RAB3C: variants seen among roughly 807,000 people sequenced by gnomAD.
The protein encoded by RAB3C is ras-related protein Rab-3C.
In RAB3C, 17 loss-of-function variants were observed where a neutral mutation model predicts 26.4. The observed-to-expected ratio is 0.64, with a 90% CI of 0.44 to 0.97. RAB3C has a LOEUF of 0.97. RAB3C is among the 50% of genes least tolerant of loss of function. The probability of loss-of-function intolerance (pLI) is 0.00; values close to 1 mark genes in which losing one functional copy is unlikely to be tolerated. For missense variants in RAB3C, 242 were observed against 281.9 expected, an observed-to-expected ratio of 0.86 and a Z score of 1.01; for synonymous variants, 91 against 95.9, an observed-to-expected ratio of 0.95 and a Z score of 0.30.
At chr5:58,836,853 T>A (rs2675371) in intron 4 of RAB3C, among the ~76,000 whole-genome samples, 79,509 of 152,100 alleles carry the variant, frequency 0.52, 21,250 homozygotes, top group Middle Eastern at 0.68. Flanking sequence ...GGGGTGCAGA[T>A]GTCTCTTTGA....
At chr5:58,739,357 C>T (rs10038836) in intron 3 of RAB3C, among the ~76,000 whole-genome samples, 18,777 of 152,188 alleles carry the variant, frequency 0.12, 1,497 homozygotes, top group Non-Finnish European at 0.17. Flanking sequence ...TATGTATTTT[C>T]AAGTCTTTGA....
chr5:58,798,687 C>T (rs1036230008), intron 3 of RAB3C, among the ~76,000 whole-genome samples: 2 of 152,176 alleles, frequency 1.3e-5, no homozygotes, highest in Non-Finnish European at 2.9e-5. Flanking sequence ...TTCATGTTTA[C>T]ACTTGGGTCC....
chr5:58,778,151 G>A (rs1185542616), intron 3 of RAB3C, among the ~76,000 whole-genome samples: 6 of 151,996 alleles, frequency 3.9e-5, no homozygotes, highest in Non-Finnish European at 8.8e-5. Flanking sequence ...TTTATCATTT[G>A]TCCTATAGGA....
At chr5:58,847,117 G>A (rs1007715276) in intron 4 of RAB3C, 2 of 152,166 alleles carry the variant, frequency 1.3e-5, no homozygotes, top group South Asian at 2.1e-4. Flanking sequence ...GGAAGGATGA[G>A]AAAGAATGAT....
intron 2 of RAB3C, among the ~76,000 whole-genome samples, chr5:58,619,560 G>A (rs1384602117): frequency 6.6e-6 from 1 of 152,130 alleles, no homozygotes; most frequent in African/African-American, 2.4e-5. Context: ...TTACTAATAT[G>A]AAAGAACAAT....
At chr5:58,836,275 C>A (rs1459503772) in intron 4 of RAB3C, among the ~76,000 whole-genome samples, 1 of 144,354 alleles carries the variant, frequency 6.9e-6, no homozygotes, top group Non-Finnish European at 1.5e-5. Context: ...ATTTTTTTTA[C>A]AAATTATGAT....
At chr5:58,821,525 TTAAG>T (rs1561141969) in intron 3 of RAB3C, among the ~76,000 whole-genome samples, 1 of 152,338 alleles carries the variant, frequency 6.6e-6, no homozygotes, top group East Asian at 1.9e-4. Flanking sequence ...GTACATAAGA[TTAAG>T]TGAGGAAAAA....
chr5:58,598,627 C>T (rs1017776821), intron 1 of RAB3C, among the ~76,000 whole-genome samples: 9 of 152,208 alleles, frequency 5.9e-5, no homozygotes, highest in East Asian at 1.9e-4. Context: ...CCTTTGGCTA[C>T]GTTCTCCTCC....
intron 1 of RAB3C, among the ~76,000 whole-genome samples, chr5:58,593,157 A>C (rs992448946): frequency 6.6e-6 from 1 of 152,092 alleles, no homozygotes; most frequent in Non-Finnish European, 1.5e-5. Context: ...TTTAAGTTCA[A>C]TGACTTTTTC....
chr5:58,796,097 G>C (rs1248104763), intron 3 of RAB3C, among the ~76,000 whole-genome samples: 2 of 152,168 alleles, frequency 1.3e-5, no homozygotes, highest in Non-Finnish European at 2.9e-5. Context: ...GTGATTTTGA[G>C]ATAAAGTGAT....
At chr5:58,618,870 C>G (rs1414774825) in intron 2 of RAB3C, among the ~76,000 whole-genome samples, 1 of 152,156 alleles carries the variant, frequency 6.6e-6, no homozygotes, top group Non-Finnish European at 1.5e-5. Context: ...ACATTTACAA[C>G]AGCTACTACC....
chr5:58,608,788 C>G (rs1746627924), intron 1 of RAB3C, among the ~76,000 whole-genome samples: 1 of 152,114 alleles, frequency 6.6e-6, no homozygotes, highest in South Asian at 2.1e-4. Context: ...GGAACCAACC[C>G]AAATATCCAT....
chr5:58,640,956 T>C (rs1488353790), intron 2 of RAB3C, among the ~76,000 whole-genome samples: 1 of 152,222 alleles, frequency 6.6e-6, no homozygotes, highest in African/African-American at 2.4e-5. Flanking sequence ...AAGAAATACA[T>C]ATTTTTCTTA....
chr5:58,847,991 G>A (rs1426252853), intron 4 of RAB3C, among the ~76,000 whole-genome samples: 1 of 152,060 alleles, frequency 6.6e-6, no homozygotes, highest in African/African-American at 2.4e-5. Flanking sequence ...TGAGTAGCTG[G>A]GACTACAGGC....
chr5:58,707,020 A>T (rs1026272126), intron 2 of RAB3C, among the ~76,000 whole-genome samples: 1 of 152,138 alleles, frequency 6.6e-6, no homozygotes, highest in Non-Finnish European at 1.5e-5. Context: ...TGGACATTCC[A>T]TATTGAAGTG....
chr5:58,838,563 A>G (rs527700173), intron 4 of RAB3C, among the ~76,000 whole-genome samples: 2 of 152,316 alleles, frequency 1.3e-5, no homozygotes, highest in South Asian at 4.1e-4. Context: ...GATACTTAAT[A>G]TAATTTTAGT....
At chr5:58,749,746 GA>G (rs1400154095) in intron 3 of RAB3C, among the ~76,000 whole-genome samples, 1 of 152,084 alleles carries the variant, frequency 6.6e-6, no homozygotes, top group Non-Finnish European at 1.5e-5. Context: ...GCCTTTTGCT[GA>G]ATAAAGTTTT....
chr5:58,715,817 G>A (rs1749158904), intron 2 of RAB3C, among the ~76,000 whole-genome samples: 1 of 152,078 alleles, frequency 6.6e-6, no homozygotes, highest in African/African-American at 2.4e-5. Flanking sequence ...AGGGAAGCTT[G>A]CCAATCAGGA....
intron 2 of RAB3C, among the ~76,000 whole-genome samples, chr5:58,703,404 A>G (rs1321635786): frequency 6.6e-6 from 1 of 151,300 alleles, no homozygotes; most frequent in Non-Finnish European, 1.5e-5. Flanking sequence ...CTGGTCTTGA[A>G]CTCCCGACCT....
Sources: allele counts gnomAD v4.1 joint callset (sites outside exome capture counted in the v4.1 genomes callset), GRCh38; gene constraint gnomAD v4.1.1; transcripts MANE v1.5; gene names NCBI Gene and HGNC (gene_info 2026-07-23, HGNC 2026-07-21).